The following PCDH9 variants were observed in gnomAD, a reference collection of about 807,000 sequenced individuals.
PCDH9 encodes the protein protocadherin 9, also known as protocadherin-9.
Under a neutral mutation model 70.6 loss-of-function variants are expected in PCDH9, and 24 were observed. The observed-to-expected ratio is 0.34, with a 90% CI of 0.25 to 0.48. The LOEUF is 0.48. PCDH9 is among the 20% of genes least tolerant of loss of function. The pLI, the probability that PCDH9 is intolerant of heterozygous loss-of-function variation, is 0.99. For synonymous variants in PCDH9, 562 were observed against 558.5 expected (o/e 1.01, Z -0.09); for missense variants, 1,281 against 1,503.6 (o/e 0.85, Z 2.45).
At chr13:66,964,602 C>T (rs1303594221) in intron 2 of PCDH9, among the ~76,000 whole-genome samples, 6 of 151,338 alleles carry the variant, frequency 4.0e-5, no homozygotes, top group Admixed American at 4.0e-4. Flanking sequence ...AAATGCTTTC[C>T]TGGGCAAAAT....
At chr13:66,710,062 G>A (rs1280350850) in intron 3 of PCDH9, among the ~76,000 whole-genome samples, 2 of 152,050 alleles carry the variant, frequency 1.3e-5, no homozygotes, top group African/African-American at 2.4e-5. Flanking sequence ...GCTATTAAGA[G>A]AAGTTTACAA....
chr13:66,923,417 T>C (rs1271970734), intron 2 of PCDH9, among the ~76,000 whole-genome samples: 2 of 151,668 alleles, frequency 1.3e-5, no homozygotes, highest in East Asian at 3.9e-4. Flanking sequence ...ACATTTTTAA[T>C]CTGTAAATTG....
chr13:66,421,480 A>C (rs559555105), intron 4 of PCDH9, among the ~76,000 whole-genome samples: 27 of 152,088 alleles, frequency 1.8e-4, no homozygotes, highest in African/African-American at 6.5e-4. Context: ...GAAGCCCTAC[A>C]AGCCAGAAGA....
At chr13:66,717,315 A>G (rs1434604103) in intron 3 of PCDH9, among the ~76,000 whole-genome samples, 1 of 151,044 alleles carries the variant, frequency 6.6e-6, no homozygotes, top group African/African-American at 2.4e-5. Flanking sequence ...AGCCAGGTGT[A>G]GTGGCTAGTG....
At chr13:66,872,275 A>G (rs1386690743) in intron 3 of PCDH9, among the ~76,000 whole-genome samples, 1 of 152,158 alleles carries the variant, frequency 6.6e-6, no homozygotes, top group Non-Finnish European at 1.5e-5. Flanking sequence ...TAGTAAAAGC[A>G]ATTTATTTTC....
chr13:66,523,480 C>T (rs1200719297), intron 4 of PCDH9, among the ~76,000 whole-genome samples: 1 of 151,958 alleles, frequency 6.6e-6, no homozygotes, highest in African/African-American at 2.4e-5. Flanking sequence ...TCAAGTAGCA[C>T]ATAATGTGTG....
intron 3 of PCDH9, among the ~76,000 whole-genome samples, chr13:66,873,932 C>CTTTTTTTTTTTTTTTTTTTTTTTTTT (rs2081746485): frequency 1.0e-5 from 1 of 97,470 alleles, no homozygotes; most frequent in Non-Finnish European, 2.1e-5. Context: ...TTTTTTTTTT[C>CTTTTTTTTTTTTTTTTTTTTTTTTTT]TTTCTTTCTT....
intron 2 of PCDH9, among the ~76,000 whole-genome samples, chr13:66,940,554 T>G (rs2082991254): frequency 6.6e-6 from 1 of 152,152 alleles, no homozygotes; most frequent in Non-Finnish European, 1.5e-5. Flanking sequence ...TTGTGTAATC[T>G]ATATCTCATG....
chr13:66,822,868 A>G (rs2080739555), intron 3 of PCDH9, among the ~76,000 whole-genome samples: 1 of 152,090 alleles, frequency 6.6e-6, no homozygotes, highest in Non-Finnish European at 1.5e-5. Context: ...AAAGGGATAT[A>G]TATTAAATAA....
chr13:67,182,599 A>G (rs2088646909), intron 2 of PCDH9, among the ~76,000 whole-genome samples: 1 of 152,206 alleles, frequency 6.6e-6, no homozygotes, highest in African/African-American at 2.4e-5. Flanking sequence ...GAAAACTGTA[A>G]GTCACTTTTC....
At chr13:66,470,846 C>G (rs1443366839) in intron 4 of PCDH9, among the ~76,000 whole-genome samples, 1 of 151,416 alleles carries the variant, frequency 6.6e-6, no homozygotes, top group Non-Finnish European at 1.5e-5. Context: ...TTTCATCTCT[C>G]TGAATCTCAA....
intron 2 of PCDH9, among the ~76,000 whole-genome samples, chr13:66,968,368 A>G (rs762636326): frequency 1.3e-5 from 2 of 152,016 alleles, no homozygotes; most frequent in Non-Finnish European, 2.9e-5. Flanking sequence ...GTATACTTCT[A>G]TTAAAGATGC....
At chr13:66,363,084 C>T (rs550485436) in intron 4 of PCDH9, among the ~76,000 whole-genome samples, 1 of 152,110 alleles carries the variant, frequency 6.6e-6, no homozygotes, top group Non-Finnish European at 1.5e-5. Context: ...GAGGCTGAGG[C>T]TTTAGAATCG....
intron 4 of PCDH9, among the ~76,000 whole-genome samples, chr13:66,413,321 C>T (rs1419106808): frequency 6.6e-6 from 1 of 152,038 alleles, no homozygotes; most frequent in African/African-American, 2.4e-5. Flanking sequence ...TCCCTATACC[C>T]ACATGGCACA....
At chr13:66,533,102 C>A (rs1408173082) in intron 4 of PCDH9, among the ~76,000 whole-genome samples, 1 of 152,100 alleles carries the variant, frequency 6.6e-6, no homozygotes, top group Non-Finnish European at 1.5e-5. Context: ...GGATTCAGGG[C>A]TTCTGGGCTG....
chr13:66,619,663 T>TGA (rs1485817875), intron 4 of PCDH9, among the ~76,000 whole-genome samples: 1 of 152,198 alleles, frequency 6.6e-6, no homozygotes, highest in Non-Finnish European at 1.5e-5. Flanking sequence ...CTGAGGTCAA[T>TGA]GAATTAGGAC....
chr13:66,767,790 A>G (rs2079742435), intron 3 of PCDH9, among the ~76,000 whole-genome samples: 1 of 152,100 alleles, frequency 6.6e-6, no homozygotes, highest in African/African-American at 2.4e-5. Context: ...TTCACCAAAG[A>G]GATATTAAGA....
Position 66,465,475 on chromosome 13 carries a change from A to G in PCDH9, c.3341-160447T>C, listed in dbSNP as rs1958499517. On this transcript the variant is annotated intron_variant, in intron 4 of 4. Coordinates refer to ENST00000377865, the MANE Select transcript of PCDH9 (RefSeq NM_203487.3). ...ATTAATTTCAGTAAAAGGTAAGTATATGTGACAGGTCAATTAGTATGATTT... is the reference window on the plus strand; with the variant it reads ...ATTAATTTCAGTAAAAGGTAAGTATGTGTGACAGGTCAATTAGTATGATTT... 2.0e-5 allele frequency among the ~76,000 whole-genome samples: 3 copies of G among 151,944 alleles called. No homozygotes were observed. In the South Asian group the frequency reaches 6.2e-4, roughly 31 times the overall value.
chr13:66,675,167 A>G (rs1829644050), intron 3 of PCDH9, among the ~76,000 whole-genome samples: 1 of 152,102 alleles, frequency 6.6e-6, no homozygotes, highest in Non-Finnish European at 1.5e-5. Flanking sequence ...CTATACTCAC[A>G]TTTTGCAAAT....
Sources: gnomAD v4.1 joint callset for allele counts (sites outside exome capture counted in the v4.1 genomes callset) on GRCh38, gnomAD v4.1.1 for gene constraint, MANE v1.5 for transcripts, NCBI Gene and HGNC (gene_info 2026-07-23, HGNC 2026-07-21) for gene names.